Variants in LMAN1L observed in about 807,000 individuals in gnomAD.
LMAN1L encodes the protein lectin, mannose binding 1 like.
LMAN1L carries 60 observed loss-of-function variants against 58.3 expected under a neutral mutation model. The ratio of observed to expected loss-of-function variants is 1.03; its 90% CI spans 0.84 to 1.27. LMAN1L has a LOEUF of 1.27. Ranked by LOEUF, LMAN1L falls within the 50% of genes most tolerant of loss-of-function variation. The probability of loss-of-function intolerance (pLI) is 0.00; values close to 1 mark genes in which losing one functional copy is unlikely to be tolerated. For missense variants in LMAN1L, 629 were observed against 674.0 expected (o/e 0.93, Z 0.74); for synonymous variants, 280 against 271.6 (o/e 1.03, Z -0.31).
Position 74,825,644 on chromosome 15 carries a change from C to A in LMAN1L, c.*39C>A, listed in dbSNP as rs750478281. ...CTGCTTTGCATCACTGGGAAGCAGG[C>A]AGTGTCTTGGGTGGGGGCTTGGTCA... On this transcript the variant is annotated 3_prime_UTR_variant, in exon 14 of 14. Transcript: ENST00000309664. 3.8e-6 allele frequency: 6 copies of A among 1,590,080 alleles called. No individual in the cohort carries two copies. Among genetic ancestry groups the A allele is most frequent in the Non-Finnish European group, 5.1e-6 (6 of 1,165,136 alleles).
intron 7 of LMAN1L, 200 bp downstream of exon 7, chr15:74,820,299 G>A (rs150478709): frequency 1.1e-5 from 7 of 630,298 alleles, no homozygotes; most frequent in Middle Eastern, 4.2e-4. Context: ...CTCAGGCTGT[G>A]ACATTACAGT....
intron 4 of LMAN1L, among the ~76,000 whole-genome samples, 188 bp downstream of exon 4, chr15:74,816,878 C>T (rs2063894112): frequency 6.6e-6 from 1 of 152,196 alleles, no homozygotes; most frequent in South Asian, 2.1e-4. Context: ...GACCCAGCAG[C>T]CCCAGGTGAA....
At chr15:74,819,024 G>C in intron 5 of LMAN1L, 128 bp from the exon 6 acceptor site, 1 of 1,166,952 alleles carries the variant, frequency 8.6e-7, no homozygotes. Flanking sequence ...ATGAGACCAG[G>C]AGTGCGGGTC....
chr15:74,816,409 G>A lies in LMAN1L; in HGVS notation c.331-18G>A. ...TATCCCACACGGTTCCCTGAGCTGA[G>A]GGGCTGGGGACCTGCAGGCCGTGTG... is the stretch of plus-strand genomic sequence containing the variant. On this transcript the variant is annotated intron_variant, in intron 2 of 13. Coordinates refer to ENST00000309664, the MANE Select transcript of LMAN1L (RefSeq NM_021819.3). The A allele has an allele frequency of 1.3e-6, 2 of 1,570,286 alleles. No homozygotes were observed. The highest frequency in any genetic ancestry group is 1.7e-6 in the Non-Finnish European group (2 of 1,154,906).
chr15:74,820,255 A>G, intron 7 of LMAN1L, 156 bp downstream of exon 7: 1 of 719,190 alleles, frequency 1.4e-6, no homozygotes, highest in Non-Finnish European at 2.4e-6. Flanking sequence ...GCTGCGGGCC[A>G]GGGCCGGTGT....
At chr15:74,822,935 T>A (rs978333174) in intron 11 of LMAN1L, among the ~76,000 whole-genome samples, 2 of 152,156 alleles carry the variant, frequency 1.3e-5, no homozygotes. Context: ...GAGAAGCCCA[T>A]CATGAAGGCC....
intron 12 of LMAN1L, chr15:74,823,988 C>A: frequency 2.0e-6 from 1 of 505,864 alleles, no homozygotes; most frequent in Non-Finnish European, 3.5e-6. Flanking sequence ...GGGCTGTGTC[C>A]AAGATCACTG....
At chr15:74,813,471 T>C (rs2063875025) in intron 1 of LMAN1L, 1 of 457,412 alleles carries the variant, frequency 2.2e-6, no homozygotes, top group African/African-American at 2.0e-5. Flanking sequence ...GGAAGCATCC[T>C]CATCCCAGGT....
intron 10 of LMAN1L, among the ~76,000 whole-genome samples, chr15:74,822,209 T>G (rs528143618): frequency 2.0e-5 from 3 of 152,040 alleles, no homozygotes; most frequent in African/African-American, 7.2e-5. Context: ...ACAAAAATTA[T>G]ACAAAAATTA....
Position 74,824,331 on chromosome 15 carries a change from C to T in LMAN1L, c.1324-20C>T. 2 of 1,613,006 alleles carry T rather than the reference C, an allele frequency of 1.2e-6. No homozygotes were observed. The highest frequency in any genetic ancestry group is 1.7e-6 in the Non-Finnish European group (2 of 1,179,282). On this transcript the variant is annotated intron_variant, in intron 12 of 13. Coordinates refer to ENST00000309664, the MANE Select transcript of LMAN1L (RefSeq NM_021819.3). ...TCTGGGTAAGAAGCTAAGCTAGGAC[C>T]TTAGACTTTCCCCTTTCAGAAGGCA... is the stretch of plus-strand genomic sequence containing the variant.
chr15:74,822,569 C>T (rs575573382), intron 10 of LMAN1L, 73 bp from the exon 11 acceptor site: 4 of 1,239,286 alleles, frequency 3.2e-6, no homozygotes, highest in South Asian at 2.5e-5. Context: ...GGCTGCAGTG[C>T]CGCTGGGAAG....
intron 8 of LMAN1L, 44 bp from the exon 9 acceptor site, chr15:74,821,031 C>G: frequency 6.6e-7 from 1 of 1,525,006 alleles, no homozygotes; most frequent in Non-Finnish European, 8.8e-7. Flanking sequence ...CTGTGTTACC[C>G]CACCATGGCT....
At position 74,816,140 on chromosome 15, in the gene LMAN1L, G is replaced by T; in HGVS notation, c.176-17G>T. The T allele has an allele frequency of 6.5e-7, 1 of 1,543,214 alleles. No individual in the cohort carries two copies. On this transcript the variant is annotated splice_polypyrimidine_tract_variant and intron_variant, in intron 1 of 13. Transcript: ENST00000309664. ...GGGTGTAGTGGAGCCTGGGGCTTGA[G>T]CTGCCCTTGTCCACAGACGCCATCC... is the stretch of plus-strand genomic sequence containing the variant.
rs767413908 is a variant in LMAN1L, at chr15:74,822,677, G to A, written c.1167G>A (p.Gln389=). ...SAKVGALLHG[Q]WTLLQALQEM... is the part of the protein sequence containing the mutation. ...AGGTCGGTGCCCTGCTCCATGGACA[G>A]TGGACTCTGCTCCAGGCCCTGCAAG... The change falls in exon 11 of 14, where the codon CAG becomes CAA. Residue 389 remains glutamine (Q), a synonymous_variant. Transcript: ENST00000309664. 5.0e-6 allele frequency: 8 copies of A among 1,614,094 alleles called. No individual in the cohort carries two copies. In the East Asian group the frequency reaches 6.7e-5, roughly 13 times the overall value.
chr15:74,813,455 C>T (rs1477706837), intron 1 of LMAN1L: 1 of 458,086 alleles, frequency 2.2e-6, no homozygotes, highest in Non-Finnish European at 4.4e-6. Context: ...TGGGGGCTAC[C>T]TGGAGGGAAG....
chr15:74,820,861 T>A, intron 8 of LMAN1L, 94 bp downstream of exon 8: 2 of 1,502,000 alleles, frequency 1.3e-6, no homozygotes, highest in Middle Eastern at 1.8e-4. Context: ...GTAGGGAAAC[T>A]GAGGCCTGAG....
chr15:74,819,241 TGGGGTCTCAGCAGCCACC>T lies in LMAN1L; in HGVS notation c.690_707del (p.Val231_Gly236del). 3 of 1,614,168 alleles carry T rather than the reference TGGGGTCTCAGCAGCCACC, an allele frequency of 1.9e-6. No individual in the cohort carries two copies. The highest frequency in any genetic ancestry group is 2.5e-6 in the Non-Finnish European group (3 of 1,179,998). On this transcript the variant is annotated inframe_deletion, in exon 6 of 14. Coordinates refer to ENST00000309664, the MANE Select transcript of LMAN1L (RefSeq NM_021819.3). ...TGCTTTTGGTCCCTGGAGGTTTCTTTGGGGTCTCAGCAGCCACCGGCACCCTGGCAGGTGAGGATCCCA... is the reference window on the plus strand; with the variant it reads ...TGCTTTTGGTCCCTGGAGGTTTCTTTGGCACCCTGGCAGGTGAGGATCCCA...
rs532637190 is a variant in LMAN1L, at chr15:74,825,511, C to T, written c.1487C>T (p.Ser496Phe). 14 of 1,613,692 alleles carry T rather than the reference C, an allele frequency of 8.7e-6. No individual in the cohort carries two copies. In the East Asian group the frequency reaches 3.1e-4, roughly 36 times the overall value. Residue 496 changes from serine to phenylalanine, a missense_variant, in exon 14 of 14, where the codon TCC becomes TTC. By Grantham distance (155) the Ser-to-Phe change is radical. Around this residue, in one of 3 missense-constraint regions of LMAN1L, gnomAD observed 53 missense variants for 59.7 expected, o/e 0.89. Coordinates refer to ENST00000309664, the MANE Select transcript of LMAN1L (RefSeq NM_021819.3). ...AACAAGAGCCTTCAGGAGTGTCTGTCCACAGGCAGCCTTCCTCTGGGTCCT... is the reference window on the plus strand; with the variant it reads ...AACAAGAGCCTTCAGGAGTGTCTGTTCACAGGCAGCCTTCCTCTGGGTCCT... ...ELNKSLQECLSTGSLPLGPAP... is the reference protein window; with the variant it reads ...ELNKSLQECLFTGSLPLGPAP...
At chr15:74,823,905 C>A in intron 12 of LMAN1L, 1 of 575,862 alleles carries the variant, frequency 1.7e-6, no homozygotes, top group Non-Finnish European at 3.1e-6. Flanking sequence ...CTGAAGAGTC[C>A]CACAGACTCA....
Sources: allele counts gnomAD v4.1 joint callset (sites outside exome capture counted in the v4.1 genomes callset), GRCh38; gene constraint gnomAD v4.1.1; regional missense constraint gnomAD v4.1.1; transcripts MANE v1.5; gene names NCBI Gene and HGNC (gene_info 2026-07-23, HGNC 2026-07-21).